Variants in DAB1 observed in about 807,000 individuals in gnomAD.
DAB1 encodes the protein DAB adaptor protein 1, also known as disabled homolog 1.
In DAB1, 15 loss-of-function variants were observed where a neutral mutation model predicts 64.6. The ratio of observed to expected loss-of-function variants is 0.23; its 90% CI spans 0.16 to 0.36. DAB1 has a LOEUF of 0.36. Ranked by LOEUF, DAB1 falls within the 10% of genes least tolerant of loss-of-function variation. The probability of loss-of-function intolerance (pLI) is 1.00; values close to 1 mark genes in which losing one functional copy is unlikely to be tolerated. For missense variants in DAB1, 596 were observed against 706.7 expected (o/e 0.84, Z 1.78); for synonymous variants, 235 against 251.9 (o/e 0.93, Z 0.64).
intron 5 of DAB1, among the ~76,000 whole-genome samples, chr1:58,017,849 A>T (rs1646762647): frequency 6.6e-6 from 1 of 152,162 alleles, no homozygotes; most frequent in South Asian, 2.1e-4. Flanking sequence ...GTGGGGCTGG[A>T]AGACAAAGGT....
Position 56,997,324 on chromosome 1 carries a change from C to T in DAB1, c.*820G>A, listed in dbSNP as rs1404489342. 6.6e-6 allele frequency: 1 copy of T among 152,168 alleles called. No individual in the cohort carries two copies. The highest frequency in any genetic ancestry group is 2.4e-5 in the African/African-American group (1 of 41,440). The allele number at this position is 152,168 out of a possible 1,614,324, so 9.4% of individuals were successfully genotyped here. ...CAATGGGATCTGATGTCTTTTCCTA[C>T]TCACAGAATGAAGGTTCGTACTGAA... is the stretch of plus-strand genomic sequence containing the variant. On this transcript the variant is annotated 3_prime_UTR_variant, in exon 15 of 15. Transcript: ENST00000371236.
intron 2 of DAB1, among the ~76,000 whole-genome samples, chr1:57,282,590 T>G (rs1672003564): frequency 6.6e-6 from 1 of 151,894 alleles, no homozygotes; most frequent in Admixed American, 6.6e-5. Flanking sequence ...CCACATCGAG[T>G]GAAGTGTCCT....
At chr1:57,262,604 A>T (rs1670264811) in intron 2 of DAB1, among the ~76,000 whole-genome samples, 1 of 152,240 alleles carries the variant, frequency 6.6e-6, no homozygotes, top group Admixed American at 6.5e-5. Flanking sequence ...TTCCGCTCTT[A>T]TCACCCGGAG....
intron 5 of DAB1, chr1:58,048,636 C>T: frequency 8.3e-7 from 1 of 1,207,438 alleles, no homozygotes; most frequent in African/African-American, 1.5e-5. Flanking sequence ...CTAAAGTTTC[C>T]TCCACAACCA....
chr1:57,404,337 T>C (rs1051662049), intron 1 of DAB1, among the ~76,000 whole-genome samples: 2 of 152,218 alleles, frequency 1.3e-5, no homozygotes, highest in Non-Finnish European at 2.9e-5. Flanking sequence ...TAAAAACATT[T>C]TTATGTGACA....
upstream of DAB1, among the ~76,000 whole-genome samples, chr1:57,428,977 A>G (rs181413007): frequency 2.1e-4 from 32 of 150,100 alleles, no homozygotes; most frequent in East Asian, 6.3e-3. Flanking sequence ...TAGTGGTACC[A>G]TCATTGCTTA....
chr1:57,648,379 A>T (rs1217264334), intron 7 of DAB1, among the ~76,000 whole-genome samples: 1 of 152,138 alleles, frequency 6.6e-6, no homozygotes, highest in East Asian at 1.9e-4. Flanking sequence ...AATCAGCTTA[A>T]CATGTCAATA....
chr1:57,195,021 C>G (rs1664508954), intron 2 of DAB1, among the ~76,000 whole-genome samples: 1 of 152,170 alleles, frequency 6.6e-6, no homozygotes, highest in South Asian at 2.1e-4. Flanking sequence ...GGGAAATGGA[C>G]AGAAAATGAT....
chr1:58,064,799 G>A (rs1186263360), intron 5 of DAB1, among the ~76,000 whole-genome samples: 1 of 151,946 alleles, frequency 6.6e-6, no homozygotes. Flanking sequence ...TCGGCTCACT[G>A]CAAGCTCCGC....
At chr1:57,331,449 A>G (rs1186386227) in intron 1 of DAB1, among the ~76,000 whole-genome samples, 1 of 152,240 alleles carries the variant, frequency 6.6e-6, no homozygotes, top group Non-Finnish European at 1.5e-5. Flanking sequence ...GGTTAAGAGT[A>G]TGACTTCTGG....
At chr1:57,362,309 G>C (rs77402496) in intron 1 of DAB1, among the ~76,000 whole-genome samples, 3,306 of 151,208 alleles carry the variant, frequency 0.022, 116 homozygotes, top group African/African-American at 0.077. Context: ...CACACAACAT[G>C]TGCTCAAAAA....
At chr1:58,145,424 G>A (rs1007901977) in intron 5 of DAB1, among the ~76,000 whole-genome samples, 2 of 152,120 alleles carry the variant, frequency 1.3e-5, no homozygotes, top group Non-Finnish European at 2.9e-5. Flanking sequence ...TAGTACTCCC[G>A]TCACATGGAT....
upstream of DAB1, among the ~76,000 whole-genome samples, chr1:57,888,235 A>G (rs1465255879): frequency 2.0e-5 from 3 of 152,308 alleles, no homozygotes; most frequent in Non-Finnish European, 2.9e-5. Context: ...GGCCAACAGC[A>G]TATTTGCCAT....
intron 5 of DAB1, among the ~76,000 whole-genome samples, chr1:57,973,515 G>A (rs1645847726): frequency 6.6e-6 from 1 of 152,112 alleles, no homozygotes; most frequent in Non-Finnish European, 1.5e-5. Flanking sequence ...ACATAGACAT[G>A]TCAAATGTAC....
At chr1:57,131,612 C>G (rs1168425969) in intron 4 of DAB1, among the ~76,000 whole-genome samples, 2 of 152,182 alleles carry the variant, frequency 1.3e-5, no homozygotes, top group African/African-American at 4.8e-5. Flanking sequence ...TCAAAACATC[C>G]AGTTTGAACT....
intron 7 of DAB1, among the ~76,000 whole-genome samples, chr1:57,647,423 ACCTT>A (rs1646206333): frequency 6.6e-6 from 1 of 152,130 alleles, no homozygotes; most frequent in Non-Finnish European, 1.5e-5. Context: ...CAGGGCTCCC[ACCTT>A]CTCCAAGGGT....
intron 5 of DAB1, among the ~76,000 whole-genome samples, chr1:58,108,424 G>T (rs780507130): frequency 1.2e-4 from 19 of 152,280 alleles, no homozygotes; most frequent in Admixed American, 3.9e-4. Context: ...AACAATAGTG[G>T]ATTTACTTAC....
At chr1:57,418,021 A>AT (rs148702560) in intron 1 of DAB1, among the ~76,000 whole-genome samples, 1,695 of 152,146 alleles carry the variant, frequency 0.011, 20 homozygotes, top group African/African-American at 0.038. Context: ...CTGTATACAT[A>AT]TTTTCCATAG....
At chr1:57,807,552 C>T (rs1651419804) in intron 6 of DAB1, among the ~76,000 whole-genome samples, 1 of 152,212 alleles carries the variant, frequency 6.6e-6, no homozygotes, top group South Asian at 2.1e-4. Context: ...TCTTCAGCTT[C>T]ATCCCAAATA....
Sources: gnomAD v4.1 joint callset for allele counts (sites outside exome capture counted in the v4.1 genomes callset) on GRCh38, gnomAD v4.1.1 for gene constraint, MANE v1.5 for transcripts, NCBI Gene and HGNC (gene_info 2026-07-23, HGNC 2026-07-21) for gene names.